The following CNBD1 variants were observed in gnomAD, a reference collection of about 807,000 sequenced individuals.
CNBD1 encodes cyclic nucleotide-binding domain-containing protein 1.
In CNBD1, 71 loss-of-function variants were observed where a neutral mutation model predicts 54.4. The observed-to-expected ratio is 1.30, with a 90% confidence interval of 1.08 to 1.59. CNBD1 has a LOEUF of 1.59. Among genes scored for constraint, CNBD1 ranks in the 40% most tolerant of loss-of-function variants. CNBD1 has a pLI of 0.00. For synonymous variants in CNBD1, 182 were observed against 170.7 expected (o/e 1.07, Z -0.51); for missense variants, 659 against 518.0 (o/e 1.27, Z -2.64).
At chr8:87,030,065 A>G (rs1809747707) in intron 4 of CNBD1, among the ~76,000 whole-genome samples, 1 of 152,204 alleles carries the variant, frequency 6.6e-6, no homozygotes, top group African/African-American at 2.4e-5. Context: ...AGTTTTCAAA[A>G]TTATTGTAAT....
chr8:87,411,315 T>G (rs1026773443), intron 2 of CNBD1, among the ~76,000 whole-genome samples: 1 of 150,106 alleles, frequency 6.7e-6, no homozygotes, highest in Admixed American at 6.7e-5. Flanking sequence ...ATGTTTAACT[T>G]GTGATTCACC....
chr8:87,392,166 A>T (rs1811322552), intron 2 of CNBD1, among the ~76,000 whole-genome samples: 1 of 152,062 alleles, frequency 6.6e-6, no homozygotes, highest in Non-Finnish European at 1.5e-5. Context: ...AGTGTTGTCA[A>T]AGATGTGAAA....
At chr8:87,222,310 G>C (rs1814357975) in intron 5 of CNBD1, among the ~76,000 whole-genome samples, 1 of 152,086 alleles carries the variant, frequency 6.6e-6, no homozygotes, top group Non-Finnish European at 1.5e-5. Context: ...TATTCGACGA[G>C]TGTTTTTGCT....
chr8:87,414,184 A>G (rs1450563667), intron 2 of CNBD1, among the ~76,000 whole-genome samples: 2 of 152,120 alleles, frequency 1.3e-5, no homozygotes, highest in Non-Finnish European at 2.9e-5. Flanking sequence ...ATGGAATACT[A>G]TGCAGCCATA....
At chr8:86,905,905 G>C (rs1023145305) in intron 3 of CNBD1, among the ~76,000 whole-genome samples, 1 of 152,070 alleles carries the variant, frequency 6.6e-6, no homozygotes, top group African/African-American at 2.4e-5. Context: ...TCTTATAGTG[G>C]ATATGGAAAC....
chr8:86,940,558 G>A (rs775531770), intron 4 of CNBD1, among the ~76,000 whole-genome samples: 36 of 152,158 alleles, frequency 2.4e-4, no homozygotes, highest in Non-Finnish European at 4.4e-4. Flanking sequence ...TTAAATCTGA[G>A]TGTAGGCTGA....
intron 4 of CNBD1, among the ~76,000 whole-genome samples, chr8:86,977,856 A>G (rs896336643): frequency 2.6e-5 from 4 of 152,184 alleles, no homozygotes; most frequent in Non-Finnish European, 4.4e-5. Flanking sequence ...AAAACTAAAG[A>G]GAAGTGAATA....
intron 5 of CNBD1, among the ~76,000 whole-genome samples, chr8:87,229,278 G>T (rs1265342863): frequency 6.6e-6 from 1 of 151,854 alleles, no homozygotes; most frequent in Non-Finnish European, 1.5e-5. Flanking sequence ...TCCTCCCCCC[G>T]ATTTTTCTTA....
At chr8:87,138,168 A>C (rs1812298485) in intron 4 of CNBD1, among the ~76,000 whole-genome samples, 1 of 152,136 alleles carries the variant, frequency 6.6e-6, no homozygotes, top group Admixed American at 6.6e-5. Flanking sequence ...ACAGAGGGAT[A>C]ATTTTTGTCT....
chr8:87,249,964 A>C (rs564774816), intron 6 of CNBD1, among the ~76,000 whole-genome samples: 1 of 152,314 alleles, frequency 6.6e-6, no homozygotes, highest in African/African-American at 2.4e-5. Flanking sequence ...CAAAGCATAA[A>C]TAGAGAAATG....
intron 4 of CNBD1, among the ~76,000 whole-genome samples, chr8:87,003,639 G>A (rs552027882): frequency 2.6e-5 from 4 of 152,068 alleles, no homozygotes; most frequent in South Asian, 4.2e-4. Context: ...TTTAAAGAGG[G>A]CGTTTAACCT....
chr8:87,423,568 T>C (rs1586094222), intron 2 of CNBD1, among the ~76,000 whole-genome samples: 1 of 150,154 alleles, frequency 6.7e-6, no homozygotes, highest in East Asian at 1.9e-4. Flanking sequence ...GTTTATATGC[T>C]GGATTACATT....
chr8:87,020,353 T>TAATATTAAA, intron 4 of CNBD1, among the ~76,000 whole-genome samples: 1 of 152,194 alleles, frequency 6.6e-6, no homozygotes, highest in East Asian at 1.9e-4. Context: ...CCAATCAGAC[T>TAATATTAAA]ACATGGGAAT....
At chr8:86,972,027 A>C (rs1808231135) in intron 4 of CNBD1, among the ~76,000 whole-genome samples, 1 of 151,698 alleles carries the variant, frequency 6.6e-6, no homozygotes, top group South Asian at 2.1e-4. Flanking sequence ...ATCTCGGCTC[A>C]CTGCAACCTC....
intron 4 of CNBD1, among the ~76,000 whole-genome samples, chr8:87,057,336 C>T (rs1271673505): frequency 6.6e-6 from 1 of 152,054 alleles, no homozygotes; most frequent in East Asian, 1.9e-4. Context: ...GGGAAAGGCC[C>T]CTTACTTTAA....
intron 6 of CNBD1, among the ~76,000 whole-genome samples, chr8:87,238,762 C>G (rs775027417): frequency 1.4e-4 from 21 of 152,008 alleles, no homozygotes; most frequent in Non-Finnish European, 2.2e-4. Flanking sequence ...TTTTTCTGCC[C>G]TCTAACTGTT....
chr8:86,962,844 C>T (rs1807966924), intron 4 of CNBD1, among the ~76,000 whole-genome samples: 2 of 152,162 alleles, frequency 1.3e-5, no homozygotes, highest in Non-Finnish European at 2.9e-5. Context: ...TGGCAAGAAC[C>T]TTTACCCTTT....
At chr8:87,010,858 C>G (rs1308123997) in intron 4 of CNBD1, among the ~76,000 whole-genome samples, 3 of 152,148 alleles carry the variant, frequency 2.0e-5, no homozygotes, top group Non-Finnish European at 4.4e-5. Flanking sequence ...CTTCCAATGT[C>G]TGATTTCCTT....
intron 1 of CNBD1, among the ~76,000 whole-genome samples, chr8:86,884,248 G>A (rs1808649052): frequency 6.6e-6 from 1 of 151,874 alleles, no homozygotes; most frequent in South Asian, 2.1e-4. Flanking sequence ...CTCTTCTCAG[G>A]TAATACAGTT....
Sources: allele counts gnomAD v4.1 joint callset (sites outside exome capture counted in the v4.1 genomes callset), GRCh38; gene constraint gnomAD v4.1.1; transcripts MANE v1.5; gene names NCBI Gene and HGNC (gene_info 2026-07-23, HGNC 2026-07-21).